The following ME1 variants were observed in gnomAD, a reference collection of about 807,000 sequenced individuals.
ME1 encodes NADP-dependent malic enzyme.
Under a neutral mutation model 66.4 loss-of-function variants are expected in ME1, and 74 were observed. That is an observed-to-expected ratio of 1.11 (90% CI 0.92 to 1.35). ME1 has a LOEUF of 1.35. Ranked by LOEUF, ME1 falls within the 40% of genes most tolerant of loss-of-function variation. The probability of loss-of-function intolerance (pLI) is 0.00; values close to 1 mark genes in which losing one functional copy is unlikely to be tolerated. For synonymous variants in ME1, 251 were observed against 235.6 expected (o/e 1.07, Z -0.60); for missense variants, 750 against 694.1 (o/e 1.08, Z -0.90).
At chr6:83,357,902 C>CCA (rs1554270311) in intron 3 of ME1, among the ~76,000 whole-genome samples, 2 of 31,554 alleles carry the variant, frequency 6.3e-5, no homozygotes, top group African/African-American at 2.8e-4. Context: ...AATAAACTCC[C>CCA]CTCTCTCTCT....
At chr6:83,256,990 A>C (rs1044939597) in intron 6 of ME1, among the ~76,000 whole-genome samples, 1 of 151,936 alleles carries the variant, frequency 6.6e-6, no homozygotes, top group Non-Finnish European at 1.5e-5. Flanking sequence ...GAGCTGAACA[A>C]TGAGAACACA....
intron 3 of ME1, among the ~76,000 whole-genome samples, chr6:83,379,418 T>G (rs1769353488): frequency 6.6e-6 from 1 of 152,124 alleles, no homozygotes; most frequent in South Asian, 2.1e-4. Context: ...ACTTTCCACC[T>G]GTCTTCAGAA....
Position 83,331,014 on chromosome 6 carries a change from A to G in ME1, c.600+15159T>C, listed in dbSNP as rs77403004. Among the ~76,000 whole-genome samples the G allele has an allele frequency of 4.8e-4, 73 of 152,312 alleles. No individual in the cohort carries two copies. The East Asian group carries it at 0.014, about 28-fold the overall frequency. ...ACTGTACACATCAACCAGAGGCCAG[A>G]CTAAACATAAAACTAGACACAGAAA... On this transcript the variant is annotated intron_variant, in intron 5 of 13. Coordinates refer to ENST00000369705, the MANE Select transcript of ME1 (RefSeq NM_002395.6).
intron 3 of ME1, among the ~76,000 whole-genome samples, chr6:83,355,536 G>A (rs1768871721): frequency 6.6e-6 from 1 of 152,128 alleles, no homozygotes; most frequent in Non-Finnish European, 1.5e-5. Context: ...CTCTTGCACT[G>A]AGTAGAGATT....
chr6:83,331,037 A>T (rs1402458163), intron 5 of ME1, among the ~76,000 whole-genome samples: 4 of 152,192 alleles, frequency 2.6e-5, no homozygotes, highest in Non-Finnish European at 5.9e-5. Context: ...CTAGACACAG[A>T]AAAGCTGAGA....
intron 5 of ME1, among the ~76,000 whole-genome samples, chr6:83,316,315 G>A (rs1445452411): frequency 6.6e-6 from 1 of 152,060 alleles, no homozygotes; most frequent in East Asian, 1.9e-4. Context: ...TATATAATAT[G>A]TAATATCACT....
chr6:83,326,078 G>C (rs1439063562), intron 5 of ME1, among the ~76,000 whole-genome samples: 1 of 151,928 alleles, frequency 6.6e-6, no homozygotes, highest in Non-Finnish European at 1.5e-5. Flanking sequence ...ACAGAACAGA[G>C]GCCTCAGAAA....
intron 6 of ME1, among the ~76,000 whole-genome samples, chr6:83,298,931 G>GGTTTTTTTTTT (rs1767655458): frequency 8.9e-5 from 2 of 22,458 alleles, no homozygotes; most frequent in East Asian, 1.4e-3. Context: ...CTATGTGTCT[G>GGTTTTTTTTTT]TTTTTTTTTT....
chr6:83,280,622 C>A (rs900411338), intron 6 of ME1, among the ~76,000 whole-genome samples: 5 of 152,214 alleles, frequency 3.3e-5, no homozygotes, highest in African/African-American at 1.2e-4. Context: ...TTTGTCTCCA[C>A]TAACTGCTCC....
chr6:83,361,988 T>C (rs1562490505), intron 3 of ME1, among the ~76,000 whole-genome samples: 1 of 152,128 alleles, frequency 6.6e-6, no homozygotes, highest in Non-Finnish European at 1.5e-5. Flanking sequence ...TTCCCTATGA[T>C]CAGCTGACAA....
At chr6:83,215,667 G>C (rs1789976824) in intron 13 of ME1, among the ~76,000 whole-genome samples, 1 of 152,200 alleles carries the variant, frequency 6.6e-6, no homozygotes, top group African/African-American at 2.4e-5. Flanking sequence ...TACACACACA[G>C]AGAAAAGGCC....
intron 7 of ME1, among the ~76,000 whole-genome samples, chr6:83,242,839 G>A (rs12196969): frequency 0.15 from 23,210 of 151,984 alleles, 2,247 homozygotes; most frequent in East Asian, 0.27. Flanking sequence ...ATTGTTGGCC[G>A]GCAGTGGGGA....
intron 7 of ME1, among the ~76,000 whole-genome samples, chr6:83,248,437 AGGCAC>A (rs1479944020): frequency 6.6e-6 from 1 of 152,168 alleles, no homozygotes; most frequent in Non-Finnish European, 1.5e-5. Context: ...GTAGCGCCAA[AGGCAC>A]TTTATCATTA....
intron 6 of ME1, among the ~76,000 whole-genome samples, chr6:83,303,137 T>A (rs773358010): frequency 1.3e-5 from 2 of 152,128 alleles, no homozygotes; most frequent in African/African-American, 4.8e-5. Flanking sequence ...GACCCAAGAA[T>A]AATAAATTAT....
chr6:83,241,552 T>C (rs1035005482), intron 7 of ME1, among the ~76,000 whole-genome samples: 6 of 152,172 alleles, frequency 3.9e-5, no homozygotes, highest in African/African-American at 7.2e-5. Context: ...TTTCATAATA[T>C]TTCCTGAGAA....
intron 3 of ME1, among the ~76,000 whole-genome samples, chr6:83,387,863 C>T (rs1769540661): frequency 6.6e-6 from 1 of 151,840 alleles, no homozygotes; most frequent in Admixed American, 6.6e-5. Flanking sequence ...TGTGACATTG[C>T]CAAAATCAAA....
chr6:83,217,574 C>T (rs979301637), intron 12 of ME1, among the ~76,000 whole-genome samples: 13 of 152,040 alleles, frequency 8.6e-5, no homozygotes, highest in South Asian at 2.1e-4. Context: ...AAAAAGAGAA[C>T]GCTGAAAGAG....
At chr6:83,324,776 C>A (rs1162477923) in intron 5 of ME1, among the ~76,000 whole-genome samples, 2 of 127,098 alleles carry the variant, frequency 1.6e-5, no homozygotes, top group Non-Finnish European at 1.6e-5. Context: ...CGTATTCTAA[C>A]AGAGGTACAA....
chr6:83,394,854 T>G (rs530647636), intron 3 of ME1, among the ~76,000 whole-genome samples: 20 of 152,298 alleles, frequency 1.3e-4, no homozygotes, highest in African/African-American at 4.1e-4. Context: ...GAATAAGTAG[T>G]GCTAGAAAAA....
Sources: allele counts gnomAD v4.1 joint callset (sites outside exome capture counted in the v4.1 genomes callset), GRCh38; gene constraint gnomAD v4.1.1; transcripts MANE v1.5; gene names NCBI Gene and HGNC (gene_info 2026-07-23, HGNC 2026-07-21).